SCHIP1: variants seen among roughly 807,000 people sequenced by gnomAD.
SCHIP1 encodes schwannomin-interacting protein 1.
SCHIP1 carries 8 observed loss-of-function variants against 29.7 expected under a neutral mutation model. The ratio of observed to expected loss-of-function variants is 0.27; its 90% CI spans 0.16 to 0.49. The LOEUF (loss-of-function observed/expected upper bound fraction) is 0.49, where lower values mean the gene tolerates loss of function less well. Ranked by LOEUF, SCHIP1 falls within the 20% of genes least tolerant of loss-of-function variation. The pLI is 0.99. For synonymous variants in SCHIP1, 76 were observed against 94.9 expected (o/e 0.80, Z 1.16); for missense variants, 193 against 294.6 (o/e 0.66, Z 2.52).
the SCHIP1 span, chr3:159,275,216 T>A: frequency 2.7e-5 from 6 of 219,014 alleles, no homozygotes; most frequent in Non-Finnish European, 4.6e-5. Context: ...GAATGAAAGG[T>A]AGATTTATGA....
chr3:159,628,459 G>A, the SCHIP1 span, among the ~76,000 whole-genome samples: 42 of 152,194 alleles, frequency 2.8e-4, no homozygotes, highest in African/African-American at 4.6e-4. Flanking sequence ...GGAAGCTGAC[G>A]TACAAGTGAT....
the SCHIP1 span, among the ~76,000 whole-genome samples, chr3:159,615,326 G>C: frequency 2.0e-5 from 3 of 152,178 alleles, no homozygotes; most frequent in African/African-American, 4.8e-5. Context: ...GAAGCAATTT[G>C]GGATTTTAAG....
At chr3:159,843,822 C>CAAAAAAA (rs1161141544) in intron 1 of SCHIP1, among the ~76,000 whole-genome samples, 7 of 39,990 alleles carry the variant, frequency 1.8e-4, no homozygotes, top group African/African-American at 6.1e-4. Flanking sequence ...GACTCTGTCT[C>CAAAAAAA]AAAAAAAAAA....
the SCHIP1 span, among the ~76,000 whole-genome samples, chr3:159,628,885 C>A: frequency 6.6e-6 from 1 of 151,706 alleles, no homozygotes; most frequent in Admixed American, 6.6e-5. Flanking sequence ...ACTAAAAATA[C>A]AACATAAAAT....
the SCHIP1 span, among the ~76,000 whole-genome samples, chr3:159,718,801 C>A: frequency 6.6e-6 from 1 of 152,134 alleles, no homozygotes; most frequent in African/African-American, 2.4e-5. Context: ...AAAATGGCCA[C>A]ACTTCCCAAG....
the SCHIP1 span, chr3:159,375,724 G>A: frequency 1.4e-3 from 960 of 691,206 alleles, no homozygotes; most frequent in Non-Finnish European, 1.5e-3. Flanking sequence ...GCAAAACTCC[G>A]TCTCAAAATA....
At chr3:159,771,263 C>T in the SCHIP1 span, among the ~76,000 whole-genome samples, 20 of 152,284 alleles carry the variant, frequency 1.3e-4, no homozygotes, top group African/African-American at 4.3e-4. Flanking sequence ...TAGTTTATTT[C>T]CTTAGTTACT....
At chr3:159,384,320 C>T in the SCHIP1 span, among the ~76,000 whole-genome samples, 17 of 149,962 alleles carry the variant, frequency 1.1e-4, no homozygotes, top group African/African-American at 3.4e-4. Flanking sequence ...TAGCATGAAG[C>T]GTTGTTGAAT....
chr3:159,359,217 C>T, the SCHIP1 span, among the ~76,000 whole-genome samples: 4 of 152,024 alleles, frequency 2.6e-5, no homozygotes, highest in Non-Finnish European at 4.4e-5. Flanking sequence ...TGAGCCACTG[C>T]GCCCAGCAGC....
At chr3:159,770,109 C>G in the SCHIP1 span, among the ~76,000 whole-genome samples, 1 of 152,274 alleles carries the variant, frequency 6.6e-6, no homozygotes, top group South Asian at 2.1e-4. Context: ...GAGATTCATC[C>G]ATGTTATTGT....
chr3:159,471,498 A>T, the SCHIP1 span, among the ~76,000 whole-genome samples: 1 of 152,162 alleles, frequency 6.6e-6, no homozygotes, highest in Non-Finnish European at 1.5e-5. Context: ...AATCTTTAAA[A>T]TTAAATCATT....
At chr3:159,571,098 T>C in the SCHIP1 span, among the ~76,000 whole-genome samples, 6 of 152,214 alleles carry the variant, frequency 3.9e-5, no homozygotes, top group Non-Finnish European at 8.8e-5. Context: ...AGGGAAAATA[T>C]GACTTCCTCA....
At chr3:159,359,088 C>T in the SCHIP1 span, among the ~76,000 whole-genome samples, 47 of 151,542 alleles carry the variant, frequency 3.1e-4, no homozygotes, top group Admixed American at 2.7e-3. Context: ...CCACCATGCC[C>T]AGCTAATTTT....
At chr3:159,468,513 CTAGT>C in the SCHIP1 span, among the ~76,000 whole-genome samples, 1 of 151,580 alleles carries the variant, frequency 6.6e-6, no homozygotes, top group Non-Finnish European at 1.5e-5. Flanking sequence ...ATTTGTGTCA[CTAGT>C]TAGATAAGCA....
the SCHIP1 span, among the ~76,000 whole-genome samples, chr3:159,450,188 A>G: frequency 2.8e-4 from 42 of 152,344 alleles, no homozygotes; most frequent in African/African-American, 9.9e-4. Flanking sequence ...ATATTCAATA[A>G]TGTTCTACAT....
At chr3:159,398,010 C>T in the SCHIP1 span, among the ~76,000 whole-genome samples, 8 of 152,290 alleles carry the variant, frequency 5.3e-5, no homozygotes, top group African/African-American at 9.6e-5. Flanking sequence ...AAGCCAGGTG[C>T]GGGATATAAT....
At chr3:159,626,273 T>TAGAC in the SCHIP1 span, among the ~76,000 whole-genome samples, 1 of 144,110 alleles carries the variant, frequency 6.9e-6, no homozygotes, top group Non-Finnish European at 1.5e-5. Context: ...GATAGATAGA[T>TAGAC]AGATAGATAG....
the SCHIP1 span, chr3:159,722,064 G>A: frequency 2.8e-6 from 1 of 359,020 alleles, no homozygotes; most frequent in Non-Finnish European, 5.4e-6. Context: ...CCTTCAGTTG[G>A]TTTCTGCAGA....
chr3:159,466,956 C>T, the SCHIP1 span, among the ~76,000 whole-genome samples: 1 of 151,888 alleles, frequency 6.6e-6, no homozygotes, highest in Non-Finnish European at 1.5e-5. Flanking sequence ...AAATGAAAAA[C>T]CACTTTCAAT....
Sources: allele counts gnomAD v4.1 joint callset (sites outside exome capture counted in the v4.1 genomes callset), GRCh38; gene constraint gnomAD v4.1.1; transcripts MANE v1.5; gene names NCBI Gene and HGNC (gene_info 2026-07-23, HGNC 2026-07-21).